NLRC3: variants seen among roughly 807,000 people sequenced by gnomAD.
The protein encoded by NLRC3 is NLR family CARD domain containing 3.
A neutral mutation model predicts 91.6 loss-of-function variants in NLRC3; 87 were observed. That is an observed-to-expected ratio of 0.95 (90% CI 0.80 to 1.14). The LOEUF is 1.14. NLRC3 is among the 50% of genes most tolerant of loss of function. The probability of loss-of-function intolerance (pLI) is 0.00; values close to 1 mark genes in which losing one functional copy is unlikely to be tolerated. For missense variants in NLRC3, 1,577 were observed against 1,418.6 expected, an observed-to-expected ratio of 1.11 and a Z score of -1.79; for synonymous variants, 694 against 625.3, an observed-to-expected ratio of 1.11 and a Z score of -1.64.
At chr16:3,565,138 G>A (rs1354469846) in intron 3 of NLRC3, 78 bp from the exon 4 acceptor site, 1 of 1,130,174 alleles carries the variant, frequency 8.8e-7, no homozygotes, top group Non-Finnish European at 1.3e-6. Flanking sequence ...AAGTCCCCAG[G>A]AACGGGGTCA....
intron 8 of NLRC3, 40 bp downstream of exon 8, chr16:3,556,871 C>T: frequency 1.4e-6 from 2 of 1,447,386 alleles, no homozygotes; most frequent in Non-Finnish European, 1.9e-6. Flanking sequence ...TTTCTGGGCC[C>T]TCTCTTGGGG....
intron 6 of NLRC3, among the ~76,000 whole-genome samples, chr16:3,560,414 C>T (rs149391325): frequency 1.3e-3 from 198 of 151,936 alleles, no homozygotes; most frequent in African/African-American, 4.5e-3. Flanking sequence ...CACAGGGAGA[C>T]TCCGTCTCAA....
At chr16:3,566,895 A>C (rs2039905458) in intron 2 of NLRC3, among the ~76,000 whole-genome samples, 1 of 152,168 alleles carries the variant, frequency 6.6e-6, no homozygotes, top group Admixed American at 6.5e-5. Flanking sequence ...CGTAAGCCTA[A>C]AATTGCTTTA....
intron 16 of NLRC3, chr16:3,543,760 C>T: frequency 5.6e-6 from 3 of 531,426 alleles, no homozygotes; most frequent in Non-Finnish European, 6.8e-6. Context: ...GCTCCCTGTA[C>T]CTCCTCATTA....
chr16:3,557,995 C>T (rs967700903), intron 6 of NLRC3, among the ~76,000 whole-genome samples: 1 of 152,238 alleles, frequency 6.6e-6, no homozygotes, highest in Non-Finnish European at 1.5e-5. Context: ...GCCTAACATG[C>T]AGATGGCAGC....
chr16:3,563,058 C>G lies in NLRC3; in HGVS notation c.1879G>C (p.Gly627Arg). 6.4e-7 allele frequency: 1 copy of G among 1,562,490 alleles called. No homozygotes were observed. Among genetic ancestry groups the G allele is most frequent in the Non-Finnish European group, 8.7e-7 (1 of 1,153,872 alleles). Residue 627 changes from glycine to arginine, a missense_variant, in exon 5 of 20, where the codon GGC becomes CGC. By Grantham distance (125) the Gly-to-Arg change is moderately radical. Coordinates refer to ENST00000359128, the MANE Select transcript of NLRC3 (RefSeq NM_178844.4). ...EANLSLSLSQGVLQSLLPQLL... is the reference protein window; with the variant it reads ...EANLSLSLSQRVLQSLLPQLL... ...TGGGGCAGCAGGCTCTGAAGGACGC[C>G]CTGGCTGAGGCTCAGGGACAGGTTG...
Position 3,557,637 on chromosome 16 carries a change from A to G in NLRC3, c.2055T>C (p.Ala685=). ...TGTTGACCAAGAGGGATCTGGCCAGAGCTTTGGCCCCTTTGTTACTGATCT... is the reference window on the plus strand; with the variant it reads ...TGTTGACCAAGAGGGATCTGGCCAGGGCTTTGGCCCCTTTGTTACTGATCT... ...ENQISNKGAK[A]LARSLLVNRS... Residue 685 remains alanine (A), a synonymous_variant, in exon 7 of 20, where the codon GCT becomes GCC. Transcript: ENST00000359128. 6.2e-7 allele frequency: 1 copy of G among 1,613,692 alleles called. No homozygotes were observed. The highest frequency in any genetic ancestry group is 8.5e-7 in the Non-Finnish European group (1 of 1,179,744).
chr16:3,559,662 G>A (rs1281650571), intron 6 of NLRC3, among the ~76,000 whole-genome samples: 1 of 141,452 alleles, frequency 7.1e-6, no homozygotes, highest in Non-Finnish European at 1.5e-5. Flanking sequence ...TTTTTGAGAC[G>A]GGGTCTTGCT....
intron 10 of NLRC3, among the ~76,000 whole-genome samples, chr16:3,550,900 AGTCAGCTAACC>A (rs1243055876): frequency 6.6e-6 from 1 of 152,136 alleles, no homozygotes; most frequent in African/African-American, 2.4e-5. Flanking sequence ...TGGAGTCCAA[AGTCAGCTAACC>A]AGCACTCACA....
At position 3,542,357 on chromosome 16, in the gene NLRC3, G is replaced by A. The variant is rs574155164; in HGVS notation, c.3024-83C>T. On this transcript the variant is annotated intron_variant, in intron 18 of 19. Transcript: ENST00000359128. The stretch of plus-strand genomic sequence containing the variant: ...CGGGGAAGCAACAGTGCATTGTCTG[G>A]GGGCAGTAACCCAGGCAGATGTGTC... 5 of 866,802 alleles carry A rather than the reference G, an allele frequency of 5.8e-6. No individual in the cohort carries two copies. The South Asian group carries it at 7.1e-5, about 12-fold the overall frequency. The allele number at this position is 866,802 out of a possible 1,614,324, so 53.7% of individuals were successfully genotyped here. A position where few individuals can be genotyped will look rare whatever the true frequency, so the allele number is the denominator to read the frequency against.
intron 15 of NLRC3, chr16:3,545,225 C>G (rs1052244712): frequency 2.0e-5 from 3 of 152,110 alleles, no homozygotes; most frequent in Non-Finnish European, 4.4e-5. Flanking sequence ...GTGGGTGGAT[C>G]ACTTGAGGTC....
Position 3,564,739 on chromosome 16 carries a change from G to A in NLRC3, c.198C>T (p.His66=), listed in dbSNP as rs1317321250. The A allele has an allele frequency of 1.3e-6, 2 of 1,586,784 alleles. No individual in the cohort carries two copies. Among genetic ancestry groups the A allele is most frequent in the Non-Finnish European group, 1.7e-6 (2 of 1,172,474 alleles). The change falls in exon 5 of 20, where the codon CAC becomes CAT. Residue 66 remains histidine, a synonymous_variant. Transcript: ENST00000359128. The surrounding 1 kb of genome is among the most constrained non-coding windows in gnomAD (Gnocchi z 5.9). The part of the protein sequence containing the change: ...PCSNDSRIQR[H]RKALLSKVGG... ...CCACCTTGCTCAGCAGGGCCTTGCG[G>A]TGCCTCTGTATCCTTGAGTCTGCGG...
At chr16:3,544,985 C>G (rs561548755) in intron 15 of NLRC3, 21 of 152,660 alleles carry the variant, frequency 1.4e-4, no homozygotes, top group African/African-American at 5.1e-4. Flanking sequence ...GGAGCCACCA[C>G]GCCCAACCTC....
chr16:3,566,800 A>C (rs2039902078), intron 2 of NLRC3, among the ~76,000 whole-genome samples: 1 of 151,964 alleles, frequency 6.6e-6, no homozygotes, highest in Non-Finnish European at 1.5e-5. Context: ...CTGAGGCAGG[A>C]CAATCACTTG....
At position 3,550,625 on chromosome 16, in the gene NLRC3, A is replaced by G. The variant is rs185715026; in HGVS notation, c.2352-128T>C. Reference sequence around the variant, plus strand: ...GTTGTCTCAAGGGTGGCCAGTGCACAGTTTGTTCTGCCTGAGGCCTGTTGG... The same window carrying G: ...GTTGTCTCAAGGGTGGCCAGTGCACGGTTTGTTCTGCCTGAGGCCTGTTGG... On this transcript the variant is annotated intron_variant, in intron 10 of 19. Coordinates refer to ENST00000359128, the MANE Select transcript of NLRC3 (RefSeq NM_178844.4). 246 of 667,412 alleles carry G rather than the reference A, an allele frequency of 3.7e-4. No individual in the cohort carries two copies. The East Asian group carries it at 5.4e-3, about 15-fold the overall frequency. The allele number at this position is 667,412 out of a possible 1,614,324, so 41.3% of individuals were successfully genotyped here.
At chr16:3,573,788 A>G (rs1174367568) in intron 1 of NLRC3, among the ~76,000 whole-genome samples, 1 of 152,114 alleles carries the variant, frequency 6.6e-6, no homozygotes, top group Non-Finnish European at 1.5e-5. Context: ...TTTAAAAATA[A>G]TTTTCCTTAA....
rs773155391 is a variant in NLRC3, at chr16:3,563,597, G to A, written c.1340C>T (p.Ser447Leu). 18 of 1,612,988 alleles carry A rather than the reference G, an allele frequency of 1.1e-5. 1 individual carries two copies. In the South Asian group the frequency reaches 1.4e-4, roughly 13 times the overall value. ...GTGGGTGAAGCAGTAGGCCACTGAC[G>A]ATGCCAACGTCTCCTCTCTCTGCAG... ...CFLQREETLA[S>L]SVAYCFTHLS... The change falls in exon 5 of 20, where the codon TCG (serine) becomes TTG (leucine). Residue 447 changes from serine (S) to leucine (L), a missense_variant. Ser to Leu is a moderately radical substitution (Grantham distance 145). Coordinates refer to ENST00000359128, the MANE Select transcript of NLRC3 (RefSeq NM_178844.4).
At chr16:3,566,281 A>G (rs2039882168) in intron 2 of NLRC3, among the ~76,000 whole-genome samples, 1 of 151,890 alleles carries the variant, frequency 6.6e-6, no homozygotes, top group Non-Finnish European at 1.5e-5. Flanking sequence ...AAGTCTCTGT[A>G]CTTTCCCATC....
At chr16:3,542,823 T>G (rs1387788060) in intron 17 of NLRC3, 48 bp from the exon 18 acceptor site, 1 of 1,321,816 alleles carries the variant, frequency 7.6e-7, no homozygotes. Context: ...GGCTGAGAGG[T>G]GATACTGACC....
Sources: gnomAD v4.1 joint callset for allele counts (sites outside exome capture counted in the v4.1 genomes callset) on GRCh38, gnomAD v4.1.1 for gene constraint, Gnocchi (gnomAD v3.1) non-coding constraint, MANE v1.5 for transcripts, NCBI Gene and HGNC (gene_info 2026-07-23, HGNC 2026-07-21) for gene names.